The following GFUS variants were observed in gnomAD, a reference collection of about 807,000 sequenced individuals.
The protein encoded by GFUS is GDP-L-fucose synthase.
GFUS carries 42 observed loss-of-function variants against 41.5 expected under a neutral mutation model. The ratio of observed to expected loss-of-function variants is 1.01; its 90% confidence interval spans 0.79 to 1.31. The LOEUF (loss-of-function observed/expected upper bound fraction) is 1.31. Among genes scored for constraint, GFUS ranks in the 50% most tolerant of loss-of-function variants. The probability of loss-of-function intolerance (pLI) is 0.00; values close to 1 mark genes in which losing one functional copy is unlikely to be tolerated. For synonymous variants in GFUS, 188 were observed against 173.4 expected (o/e 1.08, Z -0.66); for missense variants, 437 against 428.7 (o/e 1.02, Z -0.17).
intron 3 of GFUS, among the ~76,000 whole-genome samples, chr8:143,615,487 G>A (rs1587305319): frequency 6.6e-6 from 1 of 152,308 alleles, no homozygotes; most frequent in South Asian, 2.1e-4. Flanking sequence ...CGACAAAGAG[G>A]GCTCTGGGGT....
intron 10 of GFUS, 69 bp from the exon 11 acceptor site, chr8:143,613,034 G>A (rs1829615782): frequency 1.3e-6 from 2 of 1,582,566 alleles, no homozygotes; most frequent in African/African-American, 1.3e-5. Flanking sequence ...AGTGGGGGGA[G>A]GAGGCCCAGG....
intron 3 of GFUS, 27 bp downstream of exon 3, chr8:143,616,079 G>C (rs1829716866): frequency 6.5e-7 from 1 of 1,533,218 alleles, no homozygotes; most frequent in Non-Finnish European, 8.8e-7. Flanking sequence ...CTGGTTTCCA[G>C]TGCTTGCTGG....
At position 143,613,348 on chromosome 8, in the gene GFUS, G is replaced by C. The variant is rs937227081; in HGVS notation, c.811-53C>G. 12 of 1,569,940 alleles carry C rather than the reference G, an allele frequency of 7.6e-6. No individual in the cohort carries two copies. The African/African-American group carries it at 1.1e-4, about 14-fold the overall frequency. ...GAAGAGCACCTCCACCCCAGCCCCC[G>C]CAGCTTGCCCTTGAACCTCTGCCAT... On this transcript the variant is annotated intron_variant, in intron 9 of 10. Transcript: ENST00000425753.
intron 2 of GFUS, 122 bp downstream of exon 2, chr8:143,616,445 C>A: frequency 6.7e-7 from 1 of 1,497,484 alleles, no homozygotes; most frequent in Non-Finnish European, 9.2e-7. Flanking sequence ...AGCCACCTGG[C>A]AGGAAGGACC....
rs776850704 is a variant in GFUS, at chr8:143,613,547, TG to T, written c.786del (p.Met263TrpfsTer27). 2.5e-6 allele frequency: 4 copies of T among 1,611,162 alleles called. No homozygotes were observed. In the Admixed American group the frequency reaches 6.7e-5, roughly 27 times the overall value. On this transcript the variant is annotated frameshift_variant, in exon 9 of 11. Coordinates refer to ENST00000425753, the MANE Select transcript of GFUS (RefSeq NM_003313.4). LOFTEE classifies it high-confidence loss of function. ...ACGGTGACTTCCCCATGGAAGTCCA[TG>T]GCCTCCACCACCGCCTCGGCTGCCT... is the stretch of plus-strand genomic sequence containing the variant. The part of the protein sequence containing the change: ...IKEAAEAVVE[A>X]MDFHGEVTFD...
intron 5 of GFUS, 41 bp from the exon 6 acceptor site, chr8:143,614,494 C>G (rs746739387): frequency 2.5e-6 from 4 of 1,584,370 alleles, no homozygotes. Flanking sequence ...CCTGGGCCCG[C>G]GATCCCACCC....
At position 143,613,826 on chromosome 8, in the gene GFUS, C is replaced by G. The variant is rs1324695853; in HGVS notation, c.664-9G>C. Reference sequence around the variant, plus strand: ...AAGAGCTGGGCCAGGTCCTAGAGGTCAGACAGGCAGGGTCAGAGACCATGG... The same window carrying G: ...AAGAGCTGGGCCAGGTCCTAGAGGTGAGACAGGCAGGGTCAGAGACCATGG... On this transcript the variant is annotated splice_polypyrimidine_tract_variant and intron_variant, in intron 7 of 10. Transcript: ENST00000425753. 1 of 1,550,572 alleles carries G rather than the reference C, an allele frequency of 6.4e-7. No homozygotes were observed. The highest frequency in any genetic ancestry group is 1.4e-5 in the African/African-American group (1 of 73,050).
chr8:143,617,271 C>G (rs1301592703), intron 1 of GFUS: 1 of 156,262 alleles, frequency 6.4e-6, no homozygotes, highest in East Asian at 1.9e-4. Flanking sequence ...CCCGGCAGGG[C>G]CCCAGGGCCA....
chr8:143,615,881 TG>T, intron 3 of GFUS: 1 of 469,520 alleles, frequency 2.1e-6, no homozygotes, highest in Non-Finnish European at 3.8e-6. Context: ...CTTTGCCTAC[TG>T]GGCCAAGTGC....
intron 5 of GFUS, 28 bp downstream of exon 5, chr8:143,614,596 T>C (rs367819054): frequency 2.2e-5 from 35 of 1,567,926 alleles, no homozygotes; most frequent in Non-Finnish European, 3.0e-5. Context: ...GACTCCTGGC[T>C]GGGCCTCAGC....
At position 143,614,078 on chromosome 8, in the gene GFUS, A is replaced by G. The variant is rs1273842524; in HGVS notation, c.663+86T>C. 10 of 1,562,114 alleles carry G rather than the reference A, an allele frequency of 6.4e-6. No individual in the cohort carries two copies. The East Asian group carries it at 1.6e-4, about 25-fold the overall frequency. On this transcript the variant is annotated intron_variant, in intron 7 of 10. Transcript: ENST00000425753. ...CTGCTGGTAGGAGCCTCCCTCCTGC[A>G]CCACCTCCCCGACAGCCCAGCAGGG...
intron 10 of GFUS, 84 bp downstream of exon 10, chr8:143,613,112 C>T: frequency 1.3e-6 from 2 of 1,537,982 alleles, no homozygotes; most frequent in East Asian, 2.2e-5. Context: ...TGAGGGGGCA[C>T]CTCACCTCTG....
Position 143,616,196 on chromosome 8 carries a change from C to T in GFUS, c.171G>A (p.Leu57=). The part of the protein sequence containing the change: ...DLTDTAQTRA[L]FEKVQPTHVI... ...CGTGTGTGGGTTGGACCTTCTCAAA[C>T]AGGGCGCGGGTCTGTGCTGTATCCC... The change falls in exon 3 of 11, where the codon CTG becomes CTA. Residue 57 remains leucine, a synonymous_variant. Transcript: ENST00000425753. 1 of 1,613,948 alleles carries T rather than the reference C, an allele frequency of 6.2e-7. No individual in the cohort carries two copies. Among genetic ancestry groups the T allele is most frequent in the African/African-American group, 1.3e-5 (1 of 75,046 alleles).
chr8:143,616,391 G>A (rs998429259), intron 2 of GFUS, 171 bp from the exon 3 acceptor site: 3 of 1,202,472 alleles, frequency 2.5e-6, no homozygotes, highest in Non-Finnish European at 2.4e-6. Flanking sequence ...ATGGGAGGGT[G>A]TTTGTTTTTC....
At chr8:143,615,721 G>C (rs1022982354) in intron 3 of GFUS, among the ~76,000 whole-genome samples, 1 of 152,206 alleles carries the variant, frequency 6.6e-6, no homozygotes, top group Non-Finnish European at 1.5e-5. Context: ...AGAGTGTGTG[G>C]TGGGCCCGGC....
Position 143,616,209 on chromosome 8 carries a change from T to C in GFUS, c.158A>G (p.Gln53Arg), listed in dbSNP as rs765328069. ...GACCTTCTCAAACAGGGCGCGGGTCTGTGCTGTATCCCTGTAGGAAGCCAG... is the reference window on the plus strand; with the variant it reads ...GACCTTCTCAAACAGGGCGCGGGTCCGTGCTGTATCCCTGTAGGAAGCCAG... ...SKDADLTDTAQTRALFEKVQP... is the reference protein window; with the variant it reads ...SKDADLTDTARTRALFEKVQP... The change falls in exon 3 of 11, where the codon CAG becomes CGG. Residue 53 changes from glutamine (Q) to arginine (R), a missense_variant. Physicochemically the swap from Gln to Arg is conservative, Grantham distance 43 (BLOSUM62 1). Transcript: ENST00000425753. The C allele has an allele frequency of 8.1e-6, 13 of 1,613,896 alleles. No individual in the cohort carries two copies. Among genetic ancestry groups the C allele is most frequent in the Non-Finnish European group, 1.1e-5 (13 of 1,179,986 alleles).
At chr8:143,615,919 T>C in intron 3 of GFUS, 187 bp downstream of exon 3, 2 of 549,472 alleles carry the variant, frequency 3.6e-6, no homozygotes, top group East Asian at 3.0e-5. Context: ...TGGCCCTCTG[T>C]CCACAGCACC....
Position 143,614,927 on chromosome 8 carries a change from A to T in GFUS, c.262-12T>A. The T allele has an allele frequency of 6.3e-7, 1 of 1,590,978 alleles. No homozygotes were observed. The highest frequency in any genetic ancestry group is 1.7e-4 in the Middle Eastern group (1 of 5,956). Reference sequence around the variant, plus strand: ...TGCACGTTTTTCCTCTGCAGGGGTGAGGCGGGGACAGTTCAGGCTCCCCAG... The same window carrying T: ...TGCACGTTTTTCCTCTGCAGGGGTGTGGCGGGGACAGTTCAGGCTCCCCAG... On this transcript the variant is annotated splice_polypyrimidine_tract_variant and intron_variant, in intron 3 of 10. Coordinates refer to ENST00000425753, the MANE Select transcript of GFUS (RefSeq NM_003313.4).
intron 2 of GFUS, 172 bp downstream of exon 2, chr8:143,616,395 G>C: frequency 8.2e-7 from 1 of 1,226,954 alleles, no homozygotes; most frequent in Non-Finnish European, 1.2e-6. Context: ...GAGGGTGTTT[G>C]TTTTTCCAGG....
Sources: gnomAD v4.1 joint callset for allele counts (sites outside exome capture counted in the v4.1 genomes callset) on GRCh38, gnomAD v4.1.1 for gene constraint, MANE v1.5 for transcripts, NCBI Gene and HGNC (gene_info 2026-07-23, HGNC 2026-07-21) for gene names.